USP9X: variants seen among roughly 807,000 people sequenced by gnomAD.
The protein encoded by USP9X is ubiquitin carboxyl-terminal hydrolase 9X.
USP9X carries 7 observed loss-of-function variants against 190.3 expected under a neutral mutation model. The ratio of observed to expected loss-of-function variants is 0.04; its 90% CI spans 0.02 to 0.07. The LOEUF (loss-of-function observed/expected upper bound fraction) is 0.07. Ranked by LOEUF, USP9X falls within the 10% of genes least tolerant of loss-of-function variation. The pLI is 1.00. For synonymous variants in USP9X, 645 were observed against 659.5 expected (o/e 0.98, Z 0.34); for missense variants, 1,010 against 1,916.9 (o/e 0.53, Z 8.83).
At chrX:41,205,887 C>CTTTTTTTTTTTTTTTTTTTTTTTT (rs751427663) in intron 32 of USP9X, among the ~76,000 whole-genome samples, 2 of 87,147 alleles carry the variant, frequency 2.3e-5, no homozygotes, top group Non-Finnish European at 4.7e-5. Context: ...TTTTCTTTTT[C>CTTTTTTTTTTTTTTTTTTTTTTTT]TTTTTTTCTT....
chrX:41,124,803 A>G (rs981505534), intron 2 of USP9X, among the ~76,000 whole-genome samples: 9 of 112,064 alleles, frequency 8.0e-5, no homozygotes. Context: ...GGTTAATTAT[A>G]TAACCTCTAA....
rs1426508319 is a variant in USP9X at position 41,141,286 on chromosome X, C to G, written c.1023-7C>G. 8.3e-7 allele frequency: 1 copy of G among 1,199,670 alleles called. No individual in the cohort carries two copies. The highest frequency in any genetic ancestry group is 1.7e-5 in the African/African-American group (1 of 57,284). On this transcript the variant is annotated splice_region_variant and splice_polypyrimidine_tract_variant and intron_variant, in intron 8 of 44. Transcript: ENST00000378308. ...GAATCATACTTATCACTGAATTTTT[C>G]TTACAGATTATTGCAAATTTCTTCT...
At chrX:41,143,171 C>T in intron 9 of USP9X, 120 bp from the exon 10 acceptor site, 1 of 477,330 alleles carries the variant, frequency 2.1e-6, no homozygotes. Flanking sequence ...TATATTTTAC[C>T]AGTATTATAT....
At chrX:41,150,242 A>G (rs894713805) in intron 12 of USP9X, among the ~76,000 whole-genome samples, 4 of 111,400 alleles carry the variant, frequency 3.6e-5, no homozygotes, top group African/African-American at 1.3e-4. Context: ...TGTTAGGCAC[A>G]CAAACTTGCA....
chrX:41,152,577 A>T (rs1318895198), intron 13 of USP9X, among the ~76,000 whole-genome samples: 1 of 111,906 alleles, frequency 8.9e-6, no homozygotes, highest in African/African-American at 3.3e-5. Context: ...ATTCTTCCTT[A>T]CAACTGTAGC....
chrX:41,137,847 T>G (rs1351368661), intron 6 of USP9X, among the ~76,000 whole-genome samples: 2 of 111,148 alleles, frequency 1.8e-5, no homozygotes, highest in African/African-American at 6.5e-5. Flanking sequence ...AAATGAAAAT[T>G]TTAATCTATA....
intron 1 of USP9X, among the ~76,000 whole-genome samples, chrX:41,091,772 G>T (rs774997033): frequency 1.3e-4 from 14 of 111,492 alleles, no homozygotes; most frequent in East Asian, 5.6e-4. Context: ...GAAGTAACTT[G>T]ACCAAGATAG....
At position 41,188,012 on chromosome X, in the gene USP9X, T is replaced by C. The variant is rs774433010; in HGVS notation, c.3705T>C (p.Asp1235=). Residue 1235 remains aspartate (D), a synonymous_variant, in exon 25 of 45, where the codon GAT becomes GAC. Transcript: ENST00000378308. ...ISDEASRYMP[D]ICVIRAIQKI... Reference sequence around the variant, plus strand: ...TGCAGGCTTCAAGATATATGCCTGATATTTGTGTAATTAGAGCTATACAAA... The same window carrying C: ...TGCAGGCTTCAAGATATATGCCTGACATTTGTGTAATTAGAGCTATACAAA... 2.7e-5 allele frequency: 32 copies of C among 1,207,179 alleles called. No homozygotes were observed. Among genetic ancestry groups the C allele is most frequent in the Non-Finnish European group, 3.5e-5 (31 of 893,177 alleles).
At chrX:41,125,330 C>T (rs1439892855) in intron 2 of USP9X, among the ~76,000 whole-genome samples, 4 of 109,374 alleles carry the variant, frequency 3.7e-5, no homozygotes, top group Non-Finnish European at 7.6e-5. Context: ...TGCCTTGGGC[C>T]TCCCAAAATG....
rs955992596 is a variant in USP9X at position 41,217,159 on chromosome X, C to T, written c.6086-61C>T. 4.4e-6 allele frequency: 5 copies of T among 1,134,486 alleles called. No homozygotes were observed. In the African/African-American group the frequency reaches 7.3e-5, roughly 17 times the overall value. The allele number at this position is 1,134,486 out of a possible 1,213,427, so 93.5% of individuals were successfully genotyped here. A position where few individuals can be genotyped will look rare whatever the true frequency, so the allele number is the denominator to read the frequency against. ...TTCTCAAAATTAATGGAAACACAGACTTGTTTGAAAATGGGGTTGGAAAAT... is the reference window on the plus strand; with the variant it reads ...TTCTCAAAATTAATGGAAACACAGATTTGTTTGAAAATGGGGTTGGAAAAT... On this transcript the variant is annotated intron_variant, in intron 35 of 44. Transcript: ENST00000378308.
chrX:41,194,476 C>G (rs1218054908), intron 26 of USP9X, among the ~76,000 whole-genome samples: 1 of 111,218 alleles, frequency 9.0e-6, no homozygotes, highest in Non-Finnish European at 1.9e-5. Context: ...ATCGCTTGAA[C>G]CTGGGAGGCG....
At chrX:41,228,793 ACT>A (rs2063336577) in intron 41 of USP9X, among the ~76,000 whole-genome samples, 1 of 112,093 alleles carries the variant, frequency 8.9e-6, no homozygotes, top group African/African-American at 3.2e-5. Context: ...AAGCTGTGTA[ACT>A]CTGTGCCAAT....
chrX:41,169,523 C>G (rs1164492786), intron 18 of USP9X, among the ~76,000 whole-genome samples: 2 of 110,835 alleles, frequency 1.8e-5, no homozygotes, highest in African/African-American at 6.6e-5. Context: ...GGTGCAGTCT[C>G]GGATCACTGC....
Position 41,129,056 on chromosome X carries a change from A to G in USP9X, c.153A>G (p.Gln51=). Reference sequence around the variant, plus strand: ...CCCCGGCAACTCCCCCAGATGAGCAAGGTCAAGGTGATGCCCCACCACAGC... The same window carrying G: ...CCCCGGCAACTCCCCCAGATGAGCAGGGTCAAGGTGATGCCCCACCACAGC... ...ENSPATPPDE[Q]GQGDAPPQLE... Residue 51 remains glutamine, a synonymous_variant, in exon 3 of 45, where the codon CAA becomes CAG. Transcript: ENST00000378308. The G allele has an allele frequency of 3.3e-6, 4 of 1,210,997 alleles. No individual in the cohort carries two copies. Among genetic ancestry groups the G allele is most frequent in the Non-Finnish European group, 4.5e-6 (4 of 895,051 alleles).
At chrX:41,187,900 C>A in intron 24 of USP9X, 92 bp from the exon 25 acceptor site, 2 of 870,863 alleles carry the variant, frequency 2.3e-6, no homozygotes, top group Non-Finnish European at 3.1e-6. Context: ...ACAGTAATTC[C>A]TATTTCCTTT....
intron 13 of USP9X, among the ~76,000 whole-genome samples, chrX:41,151,922 G>A (rs1036850591): frequency 1.8e-5 from 2 of 112,390 alleles, no homozygotes; most frequent in Non-Finnish European, 1.9e-5. Flanking sequence ...CAGAGGTTGC[G>A]GTGAGCTGAG....
intron 32 of USP9X, among the ~76,000 whole-genome samples, chrX:41,205,895 CT>C (rs754328137): frequency 3.4e-4 from 27 of 80,408 alleles, no homozygotes; most frequent in Non-Finnish European, 3.3e-4. Flanking sequence ...TTCTTTTTTT[CT>C]TTTTTTTTTT....
intron 1 of USP9X, among the ~76,000 whole-genome samples, chrX:41,090,287 GA>G (rs2061945969): frequency 9.0e-6 from 1 of 110,850 alleles, no homozygotes; most frequent in Non-Finnish European, 1.9e-5. Flanking sequence ...TAAGGATCAT[GA>G]AAAAAGTTGA....
chrX:41,131,351 A>T, intron 3 of USP9X, 106 bp from the exon 4 acceptor site: 1 of 550,062 alleles, frequency 1.8e-6, no homozygotes, highest in Non-Finnish European at 2.7e-6. Context: ...TTTTAATATT[A>T]ATATTAAATA....
Sources: allele counts gnomAD v4.1 joint callset (sites outside exome capture counted in the v4.1 genomes callset), GRCh38; gene constraint gnomAD v4.1.1; transcripts MANE v1.5; gene names NCBI Gene and HGNC (gene_info 2026-07-23, HGNC 2026-07-21).